Variants in LARGE1 observed in about 807,000 individuals in gnomAD.
LARGE1 encodes the protein xylosyl- and glucuronyltransferase LARGE1.
In LARGE1, 43 loss-of-function variants were observed where a neutral mutation model predicts 87.6. The observed-to-expected ratio is 0.49, with a 90% CI of 0.38 to 0.63. The LOEUF (loss-of-function observed/expected upper bound fraction) is 0.63. Among genes scored for constraint, LARGE1 ranks in the 30% least tolerant of loss-of-function variants. The pLI is 0.00. For synonymous variants in LARGE1, 434 were observed against 394.6 expected (o/e 1.10, Z -1.18); for missense variants, 802 against 1,000.2 (o/e 0.80, Z 2.67).
At chr22:33,432,562 ATCATTCAT>A (rs10626676) in intron 6 of LARGE1, among the ~76,000 whole-genome samples, 98 of 150,430 alleles carry the variant, frequency 6.5e-4, no homozygotes, top group East Asian at 3.1e-3. Context: ...AGAATCCCAA[ATCATTCAT>A]TCATTCATTC....
intron 5 of LARGE1, among the ~76,000 whole-genome samples, chr22:33,582,046 T>C (rs2078536787): frequency 6.6e-6 from 1 of 152,180 alleles, no homozygotes; most frequent in African/African-American, 2.4e-5. Flanking sequence ...ACCCCAATTG[T>C]GTCAGTTTCT....
At chr22:33,580,460 G>A (rs139978308) in intron 5 of LARGE1, among the ~76,000 whole-genome samples, 33 of 152,204 alleles carry the variant, frequency 2.2e-4, no homozygotes, top group African/African-American at 7.2e-4. Context: ...CCCAGCAGAG[G>A]ACCTTACAGA....
At chr22:33,254,775 A>C (rs573711695) in intron 11 of LARGE1, among the ~76,000 whole-genome samples, 1 of 152,306 alleles carries the variant, frequency 6.6e-6, no homozygotes, top group African/African-American at 2.4e-5. Context: ...TATTGATAGT[A>C]TCATTCTTCT....
intron 2 of LARGE1, among the ~76,000 whole-genome samples, chr22:33,757,044 A>T (rs2084540900): frequency 6.6e-6 from 1 of 152,204 alleles, no homozygotes; most frequent in African/African-American, 2.4e-5. Context: ...GTTGGGTTTA[A>T]GAACTAAGGG....
intron 7 of LARGE1, among the ~76,000 whole-genome samples, chr22:33,397,948 T>C (rs2065806287): frequency 6.6e-6 from 1 of 152,224 alleles, no homozygotes; most frequent in Admixed American, 6.5e-5. Context: ...TGTCCTCTTT[T>C]GGGAACTGCC....
intron 6 of LARGE1, among the ~76,000 whole-genome samples, chr22:33,449,473 A>C (rs118029748): frequency 6.6e-6 from 1 of 152,216 alleles, no homozygotes; most frequent in African/African-American, 2.4e-5. Flanking sequence ...TAGATTATCA[A>C]TGTAGCAGAA....
At chr22:33,282,627 G>A (rs756679478) in intron 13 of LARGE1, among the ~76,000 whole-genome samples, 4 of 152,164 alleles carry the variant, frequency 2.6e-5, no homozygotes, top group Admixed American at 1.3e-4. Flanking sequence ...AGGAAAATCA[G>A]GGTTCTGTTT....
At chr22:33,565,716 T>C (rs573103183) in intron 5 of LARGE1, among the ~76,000 whole-genome samples, 1 of 152,146 alleles carries the variant, frequency 6.6e-6, no homozygotes, top group African/African-American at 2.4e-5. Flanking sequence ...CTGACAGCAA[T>C]AGAGGACACA....
Position 33,417,063 on chromosome 22 carries a change from C to T in LARGE1, c.892+15098G>A, listed in dbSNP as rs188703512. ...CTGGGACTACAGGCGTGTGTCACCA[C>T]GCCCAGCTAATTTTTGTATTTTTAC... On this transcript the variant is annotated intron_variant, in intron 7 of 14. Coordinates refer to ENST00000397394, the MANE Select transcript of LARGE1 (RefSeq NM_133642.5). Among the ~76,000 whole-genome samples, 570 of 151,916 alleles carry T rather than the reference C, an allele frequency of 3.8e-3. 2 individuals carry two copies. Among genetic ancestry groups the T allele is most frequent in the African/African-American group, 0.013 (538 of 41,390 alleles).
At chr22:33,877,649 A>G (rs2157113) in intron 1 of LARGE1, among the ~76,000 whole-genome samples, 87,071 of 151,728 alleles carry the variant, frequency 0.57, 25,058 homozygotes, top group East Asian at 0.66. Flanking sequence ...CAGGCTGGGC[A>G]CGGTGGCTCA....
chr22:33,338,178 C>A (rs889637380), intron 9 of LARGE1, among the ~76,000 whole-genome samples: 4 of 152,076 alleles, frequency 2.6e-5, no homozygotes, highest in African/African-American at 9.7e-5. Flanking sequence ...CCTGTAGGTG[C>A]CACCCAGAGG....
At chr22:33,442,491 T>C (rs2067514299) in intron 6 of LARGE1, among the ~76,000 whole-genome samples, 1 of 152,166 alleles carries the variant, frequency 6.6e-6, no homozygotes, top group South Asian at 2.1e-4. Flanking sequence ...CAGGGTAGGT[T>C]TGGGGACCTC....
intron 6 of LARGE1, among the ~76,000 whole-genome samples, chr22:33,481,531 T>C (rs1338347675): frequency 1.3e-5 from 2 of 152,192 alleles, no homozygotes; most frequent in Non-Finnish European, 2.9e-5. Flanking sequence ...TTTTGTTACC[T>C]CTTCTCATGC....
intron 11 of LARGE1, among the ~76,000 whole-genome samples, chr22:33,198,668 C>T (rs113228385): frequency 5.5e-5 from 7 of 128,074 alleles, no homozygotes; most frequent in African/African-American, 2.3e-4. Context: ...CACACACACA[C>T]ACACACACGT....
At chr22:33,511,714 T>C (rs1372473535) in intron 6 of LARGE1, among the ~76,000 whole-genome samples, 3 of 152,230 alleles carry the variant, frequency 2.0e-5, no homozygotes, top group African/African-American at 7.2e-5. Flanking sequence ...GAACTGCGTC[T>C]CTGGCAAGGC....
intron 12 of LARGE1, among the ~76,000 whole-genome samples, chr22:33,288,221 A>T (rs1931897708): frequency 6.6e-6 from 1 of 152,222 alleles, no homozygotes; most frequent in African/African-American, 2.4e-5. Context: ...TAACATGTAC[A>T]ATCAGTTACC....
At chr22:33,904,523 C>G (rs912284958) in intron 1 of LARGE1, among the ~76,000 whole-genome samples, 10 of 152,140 alleles carry the variant, frequency 6.6e-5, no homozygotes, top group African/African-American at 2.2e-4. Flanking sequence ...TGGGGCAAGT[C>G]AGATGTGCAC....
chr22:33,556,345 T>C (rs1055221549), intron 6 of LARGE1, among the ~76,000 whole-genome samples: 1 of 151,936 alleles, frequency 6.6e-6, no homozygotes, highest in African/African-American at 2.4e-5. Flanking sequence ...GTTCAGGGCA[T>C]GACACATAAA....
intron 1 of LARGE1, chr22:33,873,473 C>CAGG (rs1569003739): frequency 6.6e-6 from 1 of 152,396 alleles, no homozygotes; most frequent in Non-Finnish European, 1.5e-5. Context: ...CTGGGGCCTT[C>CAGG]CGGGAAGCTG....
Sources: allele counts gnomAD v4.1 joint callset (sites outside exome capture counted in the v4.1 genomes callset), GRCh38; gene constraint gnomAD v4.1.1; transcripts MANE v1.5; gene names NCBI Gene and HGNC (gene_info 2026-07-23, HGNC 2026-07-21).